The following NOC2L variants were observed in gnomAD, a reference collection of about 807,000 sequenced individuals.
NOC2L encodes the protein nucleolar complex protein 2 homolog.
A neutral mutation model predicts 94.2 loss-of-function variants in NOC2L; 101 were observed. The observed-to-expected ratio is 1.07, with a 90% CI of 0.91 to 1.26. The LOEUF is 1.26. NOC2L is among the 50% of genes most tolerant of loss of function. The pLI is 0.00. For synonymous variants in NOC2L, 531 were observed against 413.4 expected (o/e 1.28, Z -3.45); for missense variants, 1,076 against 980.1 (o/e 1.10, Z -1.31).
chr1:944,843 G>A (rs758471280), intron 18 of NOC2L, 43 bp from the exon 19 acceptor site: 44 of 1,412,412 alleles, frequency 3.1e-5, no homozygotes, highest in South Asian at 1.4e-4. Context: ...GCTTTATCAG[G>A]AAGAAGCCAG....
In NOC2L at chr1:953,192, G is replaced by A. The variant is rs577506851; in HGVS notation, c.985C>T (p.Leu329Phe). The part of the protein sequence containing the change: ...RVCRHKKDTF[L>F]GPVLKQMYIT... ...ACCACTACCTTGAGGACGGGGCCAA[G>A]GAAAGTGTCCTTCTTGTGCCGGCAG... The change falls in exon 9 of 19, where the codon CTT (leucine) becomes TTT (phenylalanine). Residue 329 changes from leucine (L) to phenylalanine (F), a missense_variant. This residue lies in a region of NOC2L where 615 missense variants were observed against 577.4 expected (regional missense o/e 1.07). Transcript: ENST00000327044. The A allele has an allele frequency of 3.7e-5, 59 of 1,612,720 alleles. 1 individual carries two copies. In the South Asian group the frequency reaches 5.6e-4, roughly 15 times the overall value.
rs368202490 is a variant in NOC2L, at chr1:948,158, C to T, written c.1632G>A (p.Pro544=). 4.6e-5 allele frequency: 73 copies of T among 1,591,548 alleles called. No homozygotes were observed. Among genetic ancestry groups the T allele is most frequent in the Middle Eastern group, 1.8e-4 (1 of 5,410 alleles). ...LHSQAHCIGF[P]ELVLPVVLQL... ...GCAGGACCACAGGCAGCACCAGCTCCGGGAAGCCGATGCAGTGTGCCTGGC... is the reference window on the plus strand; with the variant it reads ...GCAGGACCACAGGCAGCACCAGCTCTGGGAAGCCGATGCAGTGTGCCTGGC... Residue 544 remains proline, a synonymous_variant, in exon 14 of 19, where the codon CCG becomes CCA. Transcript: ENST00000327044.
At position 956,222 on chromosome 1, in the gene NOC2L, G is replaced by C. The variant is rs751844415; in HGVS notation, c.487-7C>G. On this transcript the variant is annotated splice_region_variant and splice_polypyrimidine_tract_variant and intron_variant, in intron 4 of 18. Coordinates refer to ENST00000327044, the MANE Select transcript of NOC2L (RefSeq NM_015658.4). ...GCTTTGGAGTGAGGCGTTGCTGAAG[G>C]AGCAAGAGTACCAGGGGCGTCAGGG... 6.2e-7 allele frequency: 1 copy of C among 1,612,876 alleles called. No homozygotes were observed. The highest frequency in any genetic ancestry group is 8.5e-7 in the Non-Finnish European group (1 of 1,180,008).
chr1:954,395 G>A (rs1642343637), intron 6 of NOC2L: 1 of 350,230 alleles, frequency 2.9e-6, no homozygotes, highest in Non-Finnish European at 5.2e-6. Flanking sequence ...CCTTTTCTAG[G>A]TCCCCTTGAT....
intron 12 of NOC2L, among the ~76,000 whole-genome samples, chr1:949,911 C>G (rs941199089): frequency 2.0e-5 from 3 of 152,226 alleles, no homozygotes; most frequent in Non-Finnish European, 4.4e-5. Flanking sequence ...AGCTGTGACA[C>G]GACTCTGGGC....
chr1:945,762 C>T (rs1024161514), intron 16 of NOC2L, 109 bp from the exon 17 acceptor site: 7 of 1,346,320 alleles, frequency 5.2e-6, no homozygotes, highest in Non-Finnish European at 6.3e-6. Context: ...TGGCCAATTT[C>T]TAGTCCCCTC....
At position 959,251 on chromosome 1, in the gene NOC2L, C is replaced by G. The variant is rs768305341; in HGVS notation, c.-11G>C. On this transcript the variant is annotated 5_prime_UTR_variant, in exon 1 of 19. Coordinates refer to ENST00000327044, the MANE Select transcript of NOC2L (RefSeq NM_015658.4). ...CCCCGCAGCTGCCATGACACCAACC[C>G]GAAGCGTGCACCCCACTTCCGGCCC... 5 of 1,603,566 alleles carry G rather than the reference C, an allele frequency of 3.1e-6. No homozygotes were observed. Among genetic ancestry groups the G allele is most frequent in the Non-Finnish European group, 4.3e-6 (5 of 1,175,886 alleles).
Position 956,232 on chromosome 1 carries a change from A to G in NOC2L, c.487-17T>C. The G allele has an allele frequency of 6.2e-7, 1 of 1,611,986 alleles. No homozygotes were observed. Among genetic ancestry groups the G allele is most frequent in the Non-Finnish European group, 8.5e-7 (1 of 1,179,956 alleles). ...GAGGCGTTGCTGAAGGAGCAAGAGT[A>G]CCAGGGGCGTCAGGGGAGCTGAGAC... On this transcript the variant is annotated splice_polypyrimidine_tract_variant and intron_variant, in intron 4 of 18. Coordinates refer to ENST00000327044, the MANE Select transcript of NOC2L (RefSeq NM_015658.4).
At chr1:952,177 G>T in intron 10 of NOC2L, 38 bp from the exon 11 acceptor site, 1 of 1,611,322 alleles carries the variant, frequency 6.2e-7, no homozygotes, top group South Asian at 1.1e-5. Flanking sequence ...TGGCCAGGCT[G>T]ACAAGTCAGG....
intron 13 of NOC2L, 67 bp downstream of exon 13, chr1:948,423 T>C: frequency 8.1e-7 from 1 of 1,235,420 alleles, no homozygotes; most frequent in East Asian, 2.4e-5. Flanking sequence ...CCCCCTCCCA[T>C]CCACCTCAGC....
intron 18 of NOC2L, 106 bp from the exon 19 acceptor site, chr1:944,906 G>C (rs1197361355): frequency 7.2e-7 from 1 of 1,391,982 alleles, no homozygotes; most frequent in Non-Finnish European, 9.9e-7. Flanking sequence ...ATTTATCCCT[G>C]TTGCTGGCTG....
At chr1:953,126 G>A (rs779406005) in intron 9 of NOC2L, 49 bp downstream of exon 9, 1 of 1,413,212 alleles carries the variant, frequency 7.1e-7, no homozygotes, top group South Asian at 1.2e-5. Flanking sequence ...CTTAGGCCGA[G>A]ATTTCCAATG....
chr1:958,646 C>A (rs991479376), intron 2 of NOC2L: 15 of 639,746 alleles, frequency 2.3e-5, no homozygotes, highest in Non-Finnish European at 4.1e-5. Context: ...TCTCTTCTAC[C>A]GAACTGCAGG....
rs754374853 is a variant in NOC2L at position 946,308 on chromosome 1, G to A, written c.1804-22C>T. The A allele has an allele frequency of 3.7e-6, 6 of 1,608,566 alleles. No homozygotes were observed. The African/African-American group carries it at 7.0e-5, about 19-fold the overall frequency. ...CTTCCTGGGGGGTTGGGGGAGTTCAGGGTCATGCCTCACCCTGGGCAAACC... is the reference window on the plus strand; with the variant it reads ...CTTCCTGGGGGGTTGGGGGAGTTCAAGGTCATGCCTCACCCTGGGCAAACC... On this transcript the variant is annotated intron_variant, in intron 15 of 18. Coordinates refer to ENST00000327044, the MANE Select transcript of NOC2L (RefSeq NM_015658.4).
intron 12 of NOC2L, among the ~76,000 whole-genome samples, chr1:949,602 G>A (rs1183177238): frequency 1.3e-5 from 2 of 152,216 alleles, no homozygotes; most frequent in East Asian, 1.9e-4. Context: ...GTGAACCAGG[G>A]CAGTGCACAA....
chr1:952,550 G>A lies in NOC2L; in HGVS notation c.1053C>T (p.Ala351=), dbSNP rs750543870. The A allele has an allele frequency of 6.2e-6, 10 of 1,611,898 alleles. No homozygotes were observed. Among genetic ancestry groups the A allele is most frequent in the Non-Finnish European group, 8.5e-6 (10 of 1,178,226 alleles). Residue 351 remains alanine, a synonymous_variant, in exon 10 of 19, where the codon GCC becomes GCT. Coordinates refer to ENST00000327044, the MANE Select transcript of NOC2L (RefSeq NM_015658.4). ...VRNCKFTSPG[A]LPFISFMQWT... ...ACTGCATGAAACTGATGAAGGGGAG[G>A]GCACCAGGCGAGGTGAACTTGCAGT...
chr1:951,968 TC>T, intron 11 of NOC2L, 31 bp downstream of exon 11: 1 of 1,596,304 alleles, frequency 6.3e-7, no homozygotes, highest in Non-Finnish European at 8.5e-7. Flanking sequence ...CTCCTGACCC[TC>T]CCGCACAACC....
chr1:948,432 G>A lies in NOC2L; in HGVS notation c.1557+58C>T, dbSNP rs960846925. 5.2e-6 allele frequency: 7 copies of A among 1,336,426 alleles called. No individual in the cohort carries two copies. In the Admixed American group the frequency reaches 1.0e-4, roughly 20 times the overall value. The allele number at this position is 1,336,426 out of a possible 1,614,324, so 82.8% of individuals were successfully genotyped here. ...TGCCAGCCCCCTCCCATCCACCTCA[G>A]CACCCCCAACCCCACCCTGGGAACT... On this transcript the variant is annotated intron_variant, in intron 13 of 18. Coordinates refer to ENST00000327044, the MANE Select transcript of NOC2L (RefSeq NM_015658.4).
rs1188928106 is a variant in NOC2L at position 944,806 on chromosome 1, G to C, written c.2144-6C>G. The C allele has an allele frequency of 6.5e-7, 1 of 1,545,288 alleles. No homozygotes were observed. Among genetic ancestry groups the C allele is most frequent in the Admixed American group, 1.8e-5 (1 of 55,178 alleles). ...CTCTGCGTCTGGGTCTCCATCTGCG[G>C]GGAGAGATGGAGGCTACATAAATTT... On this transcript the variant is annotated splice_polypyrimidine_tract_variant and splice_region_variant and intron_variant, in intron 18 of 18. Transcript: ENST00000327044.
Sources: allele counts gnomAD v4.1 joint callset (sites outside exome capture counted in the v4.1 genomes callset), GRCh38; gene constraint gnomAD v4.1.1; regional missense constraint gnomAD v4.1.1; transcripts MANE v1.5; gene names NCBI Gene and HGNC (gene_info 2026-07-23, HGNC 2026-07-21).